The following AFF3 variants were observed in gnomAD, a reference collection of about 807,000 sequenced individuals.
AFF3 encodes the protein AF4/FMR2 family member 3.
In AFF3, 32 loss-of-function variants were observed where a neutral mutation model predicts 129.7. The observed-to-expected ratio is 0.25, with a 90% CI of 0.19 to 0.33. The LOEUF (loss-of-function observed/expected upper bound fraction) is 0.33, where lower values mean the gene tolerates loss of function less well. Ranked by LOEUF, AFF3 falls within the 10% of genes least tolerant of loss-of-function variation. AFF3 has a pLI of 1.00. For synonymous variants in AFF3, 644 were observed against 635.4 expected (o/e 1.01, Z -0.20); for missense variants, 1,373 against 1,592.0 (o/e 0.86, Z 2.34).
chr2:99,993,792 CTTTTTTTTTTT>C (rs751882272), intron 7 of AFF3, among the ~76,000 whole-genome samples: 14 of 72,536 alleles, frequency 1.9e-4, no homozygotes, highest in Non-Finnish European at 2.0e-4. Context: ...AACACTTTAT[CTTTTTTTTTTT>C]TTTTTTTTTT....
In AFF3 at chr2:99,891,942, T is replaced by C. The variant is rs1411394207; in HGVS notation, c.874-54418A>G. Among the ~76,000 whole-genome samples the C allele has an allele frequency of 3.3e-5, 5 of 151,818 alleles. No individual in the cohort carries two copies. The South Asian group carries it at 1.0e-3, about 32-fold the overall frequency. On this transcript the variant is annotated intron_variant, in intron 7 of 24. Transcript: ENST00000672756. ...GGTTCACGCCATTCTCCTGCCTCAGTCTCCGGAGTAGCTGGGACTACAGGC... is the reference window on the plus strand; with the variant it reads ...GGTTCACGCCATTCTCCTGCCTCAGCCTCCGGAGTAGCTGGGACTACAGGC...
intron 7 of AFF3, among the ~76,000 whole-genome samples, chr2:99,868,573 A>G (rs1236940278): frequency 6.6e-6 from 1 of 152,178 alleles, no homozygotes; most frequent in East Asian, 1.9e-4. Flanking sequence ...CAGTAAGACA[A>G]TGAGGCCTGG....
intron 12 of AFF3, 71 bp from the exon 13 acceptor site, chr2:99,649,737 T>TA (rs1424921963): frequency 8.8e-5 from 136 of 1,552,452 alleles, no homozygotes; most frequent in African/African-American, 1.2e-4. Flanking sequence ...AATGAACACT[T>TA]AAAAAAAAGA....
chr2:100,134,574 C>T (rs2105598791), intron 1 of AFF3, among the ~76,000 whole-genome samples: 1 of 152,226 alleles, frequency 6.6e-6, no homozygotes, highest in Admixed American at 6.5e-5. Context: ...ACTATCATCC[C>T]AAGATCATTT....
At chr2:99,584,318 A>G (rs770355777) in intron 16 of AFF3, among the ~76,000 whole-genome samples, 7 of 151,540 alleles carry the variant, frequency 4.6e-5, no homozygotes, top group Non-Finnish European at 8.8e-5. Context: ...AAATACAAAA[A>G]TTAGCCGGGT....
chr2:99,743,728 A>G (rs997687204), intron 10 of AFF3, among the ~76,000 whole-genome samples: 4 of 152,146 alleles, frequency 2.6e-5, no homozygotes, highest in Non-Finnish European at 4.4e-5. Context: ...CAATTATCTT[A>G]AGGTCTACTG....
intron 13 of AFF3, among the ~76,000 whole-genome samples, chr2:99,607,512 A>G (rs1269443155): frequency 6.6e-6 from 1 of 151,874 alleles, no homozygotes. Context: ...AGCCTGGGCG[A>G]CAGTGTGAGA....
intron 18 of AFF3, among the ~76,000 whole-genome samples, chr2:99,575,637 T>C (rs1033919256): frequency 6.6e-6 from 1 of 152,148 alleles, no homozygotes; most frequent in African/African-American, 2.4e-5. Context: ...TTGAGTTGCA[T>C]GTTTATTTTA....
At chr2:99,899,058 G>A (rs2106132115) in intron 7 of AFF3, among the ~76,000 whole-genome samples, 1 of 152,290 alleles carries the variant, frequency 6.6e-6, no homozygotes, top group South Asian at 2.1e-4. Flanking sequence ...TTGTCACAGG[G>A]CTGGGCACAC....
At chr2:99,600,139 A>G (rs531348378) in intron 14 of AFF3, among the ~76,000 whole-genome samples, 51 of 152,326 alleles carry the variant, frequency 3.3e-4, no homozygotes, top group Middle Eastern at 3.4e-3. Context: ...ACAGAGATTG[A>G]TAGATGGATA....
chr2:99,805,440 T>C (rs1465307648), intron 8 of AFF3, among the ~76,000 whole-genome samples: 2 of 152,172 alleles, frequency 1.3e-5, no homozygotes, highest in Admixed American at 6.5e-5. Flanking sequence ...TGGCCTTGCG[T>C]TGTTCAGACA....
At chr2:99,718,858 C>A (rs1168269128) in intron 11 of AFF3, among the ~76,000 whole-genome samples, 5 of 151,602 alleles carry the variant, frequency 3.3e-5, no homozygotes, top group Admixed American at 2.0e-4. Flanking sequence ...TCATGCCATT[C>A]TCCTGCCTCA....
chr2:100,021,636 A>C (rs1683610195), intron 4 of AFF3, among the ~76,000 whole-genome samples: 2 of 152,330 alleles, frequency 1.3e-5, no homozygotes, highest in African/African-American at 4.8e-5. Context: ...TTTACCCCTC[A>C]ACAAACCTCC....
At position 100,006,876 on chromosome 2, in the gene AFF3, C is replaced by G; in HGVS notation, c.629G>C (p.Gly210Ala). The G allele has an allele frequency of 6.2e-7, 1 of 1,614,194 alleles. No homozygotes were observed. ...TGGAGGAAAGTTCTGAACACAGTGT[C>G]CGCTGCTGCTGTGCTTGGCCGCCAT... is the stretch of plus-strand genomic sequence containing the variant. ...PAMAAKHSSS[G>A]HCVQNFPPSL... Residue 210 changes from glycine (G) to alanine (A), a missense_variant, in exon 7 of 25, where the codon GGA becomes GCA. Physicochemically the swap from Gly to Ala is moderately conservative, Grantham distance 60 (BLOSUM62 0). Coordinates refer to ENST00000672756, the MANE Select transcript of AFF3 (RefSeq NM_001386135.1).
chr2:100,094,242 T>C (rs1690102544), intron 4 of AFF3, among the ~76,000 whole-genome samples: 1 of 152,180 alleles, frequency 6.6e-6, no homozygotes, highest in Non-Finnish European at 1.5e-5. Flanking sequence ...TTCATTTCTA[T>C]TATTACATTG....
intron 7 of AFF3, among the ~76,000 whole-genome samples, chr2:99,958,047 A>G (rs1676834497): frequency 6.6e-6 from 1 of 152,216 alleles, no homozygotes; most frequent in African/African-American, 2.4e-5. Flanking sequence ...TCCTGCCCCA[A>G]TAAGAACACT....
At chr2:99,654,830 T>C (rs1013621689) in intron 12 of AFF3, among the ~76,000 whole-genome samples, 1 of 152,236 alleles carries the variant, frequency 6.6e-6, no homozygotes, top group African/African-American at 2.4e-5. Context: ...GTCTTTATTA[T>C]AGCAAGCTTG....
In AFF3 at chr2:99,752,210, C is replaced by T; in HGVS notation, c.1002+11G>A. The stretch of plus-strand genomic sequence containing the variant: ...TGAAACATATTCCTCCTGAGGGATG[C>T]AAGATCTCACCTTATTTGGAAATGG... On this transcript the variant is annotated intron_variant, in intron 9 of 24. Coordinates refer to ENST00000672756, the MANE Select transcript of AFF3 (RefSeq NM_001386135.1). The T allele has an allele frequency of 6.2e-7, 1 of 1,604,142 alleles. No individual in the cohort carries two copies. Among genetic ancestry groups the T allele is most frequent in the Non-Finnish European group, 8.5e-7 (1 of 1,171,058 alleles).
At chr2:99,672,046 C>T (rs1687186744) in intron 12 of AFF3, among the ~76,000 whole-genome samples, 1 of 152,052 alleles carries the variant, frequency 6.6e-6, no homozygotes, top group Non-Finnish European at 1.5e-5. Flanking sequence ...TTTGGCTCAC[C>T]TCTACATTTG....
Sources: allele counts gnomAD v4.1 joint callset (sites outside exome capture counted in the v4.1 genomes callset), GRCh38; gene constraint gnomAD v4.1.1; transcripts MANE v1.5; gene names NCBI Gene and HGNC (gene_info 2026-07-23, HGNC 2026-07-21).